The following SYNDIG1 variants were observed in gnomAD, a reference collection of about 807,000 sequenced individuals.
SYNDIG1 encodes the protein synapse differentiation inducing 1, also known as synapse differentiation-inducing gene protein 1.
A neutral mutation model predicts 19.4 loss-of-function variants in SYNDIG1; 9 were observed. The ratio of observed to expected loss-of-function variants is 0.46; its 90% CI spans 0.28 to 0.81. SYNDIG1 has a LOEUF of 0.81. Ranked by LOEUF, SYNDIG1 falls within the 30% of genes least tolerant of loss-of-function variation. The probability of loss-of-function intolerance (pLI) is 0.12; values close to 1 mark genes in which losing one functional copy is unlikely to be tolerated. For missense variants in SYNDIG1, 311 were observed against 343.3 expected (o/e 0.91, Z 0.74); for synonymous variants, 141 against 145.9 (o/e 0.97, Z 0.24).
At position 24,583,914 on chromosome 20, in the gene SYNDIG1, G is replaced by C. The variant is rs1241177364; in HGVS notation, c.481-942G>C. Among the ~76,000 whole-genome samples the C allele has an allele frequency of 2.6e-5, 4 of 152,092 alleles. No individual in the cohort carries two copies. In the East Asian group the frequency reaches 7.7e-4, roughly 29 times the overall value. On this transcript the variant is annotated intron_variant, in intron 2 of 3. Transcript: ENST00000376862. ...GTGGAAGGAGGGAAAGGAGCAGAAA[G>C]CATAACTGCTGCACACTAGGCTTAT...
intron 2 of SYNDIG1, among the ~76,000 whole-genome samples, chr20:24,558,799 C>T (rs757722803): frequency 1.1e-4 from 16 of 152,058 alleles, no homozygotes; most frequent in African/African-American, 2.4e-4. Context: ...ATATAGAAAC[C>T]GCACTCCAGT....
chr20:24,609,904 C>A (rs1282346660), intron 3 of SYNDIG1, among the ~76,000 whole-genome samples: 1 of 152,122 alleles, frequency 6.6e-6, no homozygotes, highest in African/African-American at 2.4e-5. Context: ...TCCCCATTAC[C>A]CCCATTCTGC....
rs557937139 is a variant in SYNDIG1 at position 24,514,730 on chromosome 20, A to C, written c.-78-28290A>C. 8.5e-5 allele frequency among the ~76,000 whole-genome samples: 13 copies of C among 152,324 alleles called. No individual in the cohort carries two copies. The East Asian group carries it at 1.7e-3, about 20-fold the overall frequency. ...AGACAGATCAGTGAGACAGAAAGTTAACAAGGATATCCAGGAATTGAACTC... is the reference window on the plus strand; with the variant it reads ...AGACAGATCAGTGAGACAGAAAGTTCACAAGGATATCCAGGAATTGAACTC... On this transcript the variant is annotated intron_variant, in intron 1 of 3. Transcript: ENST00000376862.
intron 2 of SYNDIG1, among the ~76,000 whole-genome samples, chr20:24,562,917 CT>C (rs888387499): frequency 2.4e-4 from 36 of 149,812 alleles, no homozygotes; most frequent in African/African-American, 8.7e-4. Context: ...AGTGAAATAC[CT>C]TCTGACACAA....
In SYNDIG1 at chr20:24,537,883, G is replaced by A. The variant is rs76883522; in HGVS notation, c.-78-5137G>A. Among the ~76,000 whole-genome samples, 11 of 151,966 alleles carry A rather than the reference G, an allele frequency of 7.2e-5. No individual in the cohort carries two copies. The East Asian group carries it at 2.1e-3, about 30-fold the overall frequency. On this transcript the variant is annotated intron_variant, in intron 1 of 3. Transcript: ENST00000376862. Reference sequence around the variant, plus strand: ...CATCCTAGGATGTGAAGGAGGAGGAGGAATTCCAGATGAGAATTCCAATTG... The same window carrying A: ...CATCCTAGGATGTGAAGGAGGAGGAAGAATTCCAGATGAGAATTCCAATTG...
chr20:24,561,921 C>T (rs1293521149), intron 2 of SYNDIG1, among the ~76,000 whole-genome samples: 1 of 152,218 alleles, frequency 6.6e-6, no homozygotes, highest in Non-Finnish European at 1.5e-5. Flanking sequence ...AATTAAATTA[C>T]TCATTTCTCT....
At chr20:24,491,906 C>G (rs2056160313) in intron 1 of SYNDIG1, among the ~76,000 whole-genome samples, 2 of 152,196 alleles carry the variant, frequency 1.3e-5, no homozygotes, top group African/African-American at 2.4e-5. Context: ...AATGCAAGTA[C>G]TCTTTGGAAA....
At chr20:24,582,509 T>G (rs1472880833) in intron 2 of SYNDIG1, among the ~76,000 whole-genome samples, 3 of 90,520 alleles carry the variant, frequency 3.3e-5, no homozygotes, top group Non-Finnish European at 6.8e-5. Flanking sequence ...TCCTCCCCCC[T>G]GCATATCCTC....
chr20:24,556,401 C>T (rs1318174657), intron 2 of SYNDIG1, among the ~76,000 whole-genome samples: 9 of 152,146 alleles, frequency 5.9e-5, no homozygotes, highest in African/African-American at 9.7e-5. Context: ...TTCCTAGCCT[C>T]GATGGTCTTT....
chr20:24,480,361 A>T (rs1449815736), intron 1 of SYNDIG1, among the ~76,000 whole-genome samples: 1 of 152,226 alleles, frequency 6.6e-6, no homozygotes, highest in Admixed American at 6.5e-5. Context: ...ACAGTACTAA[A>T]TTTTTTTCAG....
chr20:24,509,203 T>C (rs931971449), intron 1 of SYNDIG1, among the ~76,000 whole-genome samples: 1 of 152,220 alleles, frequency 6.6e-6, no homozygotes, highest in Non-Finnish European at 1.5e-5. Context: ...CACATGTGTG[T>C]ATGTATGTAT....
intron 2 of SYNDIG1, among the ~76,000 whole-genome samples, chr20:24,550,713 T>C (rs1241449998): frequency 6.6e-6 from 1 of 152,076 alleles, no homozygotes; most frequent in Non-Finnish European, 1.5e-5. Context: ...GGTTTCACTG[T>C]GTTAGCCAGG....
intron 3 of SYNDIG1, among the ~76,000 whole-genome samples, chr20:24,607,120 G>T (rs1413637177): frequency 1.3e-5 from 2 of 152,134 alleles, no homozygotes; most frequent in Non-Finnish European, 2.9e-5. Context: ...AGCACTTTGG[G>T]AGGCTGAGGC....
intron 1 of SYNDIG1, among the ~76,000 whole-genome samples, chr20:24,517,708 G>GTA (rs1056201078): frequency 6.3e-5 from 9 of 143,522 alleles, no homozygotes; most frequent in Middle Eastern, 3.9e-3. Flanking sequence ...ATATATATGT[G>GTA]TATATATATG....
chr20:24,637,533 A>G (rs1419355590), intron 3 of SYNDIG1, among the ~76,000 whole-genome samples: 1 of 152,230 alleles, frequency 6.6e-6, no homozygotes, highest in Non-Finnish European at 1.5e-5. Flanking sequence ...AAACCCCAGC[A>G]AAATGTGGGC....
intron 3 of SYNDIG1, among the ~76,000 whole-genome samples, chr20:24,635,307 C>CCTAT (rs1328499161): frequency 1.3e-5 from 2 of 152,234 alleles, no homozygotes; most frequent in Non-Finnish European, 2.9e-5. Flanking sequence ...TATTTCTACA[C>CCTAT]CTATCTCCTC....
chr20:24,476,514 C>CA (rs898312455), intron 1 of SYNDIG1, among the ~76,000 whole-genome samples: 2 of 151,768 alleles, frequency 1.3e-5, no homozygotes, highest in African/African-American at 4.8e-5. Flanking sequence ...CCAAAAATAA[C>CA]AAAAAATTAG....
intron 1 of SYNDIG1, among the ~76,000 whole-genome samples, chr20:24,505,586 T>C (rs2056569639): frequency 6.6e-6 from 1 of 152,236 alleles, no homozygotes; most frequent in African/African-American, 2.4e-5. Context: ...GCAGACTGGG[T>C]CCTCATTCTT....
chr20:24,477,302 TG>T (rs2055657279), intron 1 of SYNDIG1, among the ~76,000 whole-genome samples: 2 of 152,160 alleles, frequency 1.3e-5, no homozygotes, highest in South Asian at 4.2e-4. Flanking sequence ...CCATTGATGT[TG>T]GGCCATAGCC....
Sources: allele counts gnomAD v4.1 joint callset (sites outside exome capture counted in the v4.1 genomes callset), GRCh38; gene constraint gnomAD v4.1.1; transcripts MANE v1.5; gene names NCBI Gene and HGNC (gene_info 2026-07-23, HGNC 2026-07-21).